SUMF1: variants seen among roughly 807,000 people sequenced by gnomAD.
The protein encoded by SUMF1 is formylglycine-generating enzyme.
Under a neutral mutation model 47.6 loss-of-function variants are expected in SUMF1, and 48 were observed. The observed-to-expected ratio is 1.01, with a 90% CI of 0.80 to 1.28. The LOEUF is 1.28. Ranked by LOEUF, SUMF1 falls within the 50% of genes most tolerant of loss-of-function variation. The pLI is 0.00. For missense variants in SUMF1, 571 were observed against 485.4 expected (o/e 1.18, Z -1.66); for synonymous variants, 230 against 192.1 (o/e 1.20, Z -1.63).
chr3:4,253,583 A>G (rs1474795085), intron 8 of SUMF1, among the ~76,000 whole-genome samples: 1 of 151,738 alleles, frequency 6.6e-6, no homozygotes, highest in Non-Finnish European at 1.5e-5. Flanking sequence ...CCATGAGACT[A>G]TATCCCACAC....
intron 8 of SUMF1, among the ~76,000 whole-genome samples, chr3:4,104,788 C>A (rs1693120374): frequency 6.6e-6 from 1 of 152,006 alleles, no homozygotes; most frequent in Non-Finnish European, 1.5e-5. Flanking sequence ...TGCCTACCAT[C>A]AGCCTCTTTC....
chr3:4,441,984 G>T lies in SUMF1; in HGVS notation c.519+7282C>A, dbSNP rs545313866. Among the ~76,000 whole-genome samples, 6 of 152,286 alleles carry T rather than the reference G, an allele frequency of 3.9e-5. No individual in the cohort carries two copies. In the South Asian group the frequency reaches 1.2e-3, roughly 32 times the overall value. On this transcript the variant is annotated intron_variant, in intron 3 of 8. Coordinates refer to ENST00000272902, the MANE Select transcript of SUMF1 (RefSeq NM_182760.4). ...CTCACCAAACCCAGAACGCAAACAG[G>T]TGAAGAAAAACCGCCAACGGCCATA...
chr3:4,357,078 T>G (rs1382521483), downstream of SUMF1, among the ~76,000 whole-genome samples: 1 of 152,148 alleles, frequency 6.6e-6, no homozygotes, highest in East Asian at 1.9e-4. Flanking sequence ...CAGATCAGAT[T>G]TTTTACTTCC....
intron 8 of SUMF1, among the ~76,000 whole-genome samples, chr3:4,108,830 G>C (rs1371859913): frequency 6.6e-6 from 1 of 152,108 alleles, no homozygotes; most frequent in Non-Finnish European, 1.5e-5. Context: ...CTGCACGTGA[G>C]ATGGGTTTCC....
intron 4 of SUMF1, among the ~76,000 whole-genome samples, chr3:4,418,992 C>A (rs1004749825): frequency 3.9e-5 from 6 of 152,306 alleles, no homozygotes; most frequent in African/African-American, 1.2e-4. Context: ...TTACACCAGG[C>A]CTTTCATTTA....
intron 8 of SUMF1, among the ~76,000 whole-genome samples, chr3:4,076,690 G>A (rs1249110266): frequency 6.6e-6 from 1 of 152,160 alleles, no homozygotes; most frequent in Non-Finnish European, 1.5e-5. Flanking sequence ...TGAAGGATAT[G>A]AACAGATACT....
chr3:4,420,521 C>T (rs566392805), intron 3 of SUMF1, among the ~76,000 whole-genome samples: 5 of 151,720 alleles, frequency 3.3e-5, no homozygotes, highest in Non-Finnish European at 5.9e-5. Flanking sequence ...CTCAGCTTCC[C>T]GAGTAGCTGG....
At chr3:4,448,259 A>T (rs569572430) in intron 3 of SUMF1, among the ~76,000 whole-genome samples, 1 of 152,336 alleles carries the variant, frequency 6.6e-6, no homozygotes, top group South Asian at 2.1e-4. Flanking sequence ...TATTAAAGAG[A>T]AAGCAAACAT....
At chr3:4,151,712 A>G (rs1694340227) in intron 8 of SUMF1, among the ~76,000 whole-genome samples, 1 of 150,658 alleles carries the variant, frequency 6.6e-6, no homozygotes, top group Non-Finnish European at 1.5e-5. Flanking sequence ...AAAAAAAAAA[A>G]AAATCACAAA....
intron 3 of SUMF1, among the ~76,000 whole-genome samples, chr3:4,433,903 A>G (rs1272730607): frequency 6.6e-6 from 1 of 152,230 alleles, no homozygotes; most frequent in African/African-American, 2.4e-5. Flanking sequence ...CATGAATACA[A>G]ATGACAGGTC....
chr3:4,132,110 G>T (rs757085769), intron 8 of SUMF1, among the ~76,000 whole-genome samples: 2 of 152,110 alleles, frequency 1.3e-5, no homozygotes, highest in Non-Finnish European at 2.9e-5. Context: ...AAGGGCAGAG[G>T]TTTGTCCCCA....
chr3:4,151,979 C>T (rs1463903043), intron 8 of SUMF1, among the ~76,000 whole-genome samples: 6 of 151,480 alleles, frequency 4.0e-5, no homozygotes, highest in African/African-American at 1.5e-4. Flanking sequence ...AAACAATGAC[C>T]TTTGTTCCCC....
At chr3:4,290,592 A>G (rs1024783390) in intron 8 of SUMF1, among the ~76,000 whole-genome samples, 3 of 152,118 alleles carry the variant, frequency 2.0e-5, no homozygotes, top group Admixed American at 2.0e-4. Context: ...CCCCAAATCT[A>G]CATCTTCAAA....
chr3:4,445,506 T>C (rs1386257609), intron 3 of SUMF1, among the ~76,000 whole-genome samples: 2 of 152,056 alleles, frequency 1.3e-5, no homozygotes, highest in Non-Finnish European at 2.9e-5. Context: ...CCTGGCTAAT[T>C]TTTTGTATTT....
chr3:4,242,900 G>A (rs1326043220), intron 8 of SUMF1, among the ~76,000 whole-genome samples: 2 of 152,136 alleles, frequency 1.3e-5, no homozygotes, highest in African/African-American at 4.8e-5. Flanking sequence ...AATCCATCTG[G>A]TCCTGGACTT....
intron 8 of SUMF1, among the ~76,000 whole-genome samples, chr3:4,356,084 A>G (rs1461913932): frequency 1.3e-5 from 2 of 152,216 alleles, no homozygotes; most frequent in Admixed American, 1.3e-4. Flanking sequence ...AGTCAGAGGA[A>G]GGAAGTTCTG....
chr3:4,467,208 C>A lies in SUMF1; in HGVS notation c.38G>T (p.Cys13Phe), dbSNP rs368104860. The A allele has an allele frequency of 1.4e-5, 23 of 1,611,502 alleles. No homozygotes were observed. The highest frequency in any genetic ancestry group is 1.2e-4 in the South Asian group (11 of 90,596). ...APALGLVCGR[C>F]PELGLVLLLL... ...CAAGAGGACGAGACCCAGCTCAGGG[C>A]AACGTCCACACACCAGCCCTAGTGC... is the stretch of plus-strand genomic sequence containing the variant. Residue 13 changes from cysteine (C) to phenylalanine (F), a missense_variant, in exon 1 of 9, where the codon TGC (cysteine) becomes TTC (phenylalanine). Cys to Phe is a radical substitution (Grantham distance 205). Transcript: ENST00000272902.
rs115551225 is a variant in SUMF1, at chr3:4,396,135, C to G, written c.954+14730G>C. ...ATTTTACAGCTAAAGAACTAAGGAA[C>G]AGAAAAGTTGAATAGTGTGCCCAAG... On this transcript the variant is annotated intron_variant, in intron 7 of 8. Coordinates refer to ENST00000272902, the MANE Select transcript of SUMF1 (RefSeq NM_182760.4). Among the ~76,000 whole-genome samples, 488 of 152,300 alleles carry G rather than the reference C, an allele frequency of 3.2e-3. 2 individuals carry two copies. The highest frequency in any genetic ancestry group is 0.011 in the African/African-American group (470 of 41,574).
intron 8 of SUMF1, among the ~76,000 whole-genome samples, chr3:4,102,029 A>C (rs1693045240): frequency 6.6e-6 from 1 of 152,082 alleles, no homozygotes; most frequent in Non-Finnish European, 1.5e-5. Context: ...TCTCATGAGA[A>C]CTCACTCACT....
Sources: allele counts gnomAD v4.1 joint callset (sites outside exome capture counted in the v4.1 genomes callset), GRCh38; gene constraint gnomAD v4.1.1; transcripts MANE v1.5; gene names NCBI Gene and HGNC (gene_info 2026-07-23, HGNC 2026-07-21).